CHL1: variants seen among roughly 807,000 people sequenced by gnomAD.
CHL1 encodes neural cell adhesion molecule L1-like protein.
A neutral mutation model predicts 141.9 loss-of-function variants in CHL1; 96 were observed. The observed-to-expected ratio is 0.68, with a 90% CI of 0.57 to 0.80. The LOEUF (loss-of-function observed/expected upper bound fraction) is 0.80. CHL1 is among the 30% of genes least tolerant of loss of function. CHL1 has a pLI of 0.00. For missense variants in CHL1, 1,820 were observed against 1,457.2 expected, an observed-to-expected ratio of 1.25 and a Z score of -4.05; for synonymous variants, 613 against 502.2, an observed-to-expected ratio of 1.22 and a Z score of -2.95.
chr3:197,590 T>TGTGGCTCC, intron 1 of CHL1: 1 of 350,838 alleles, frequency 2.9e-6, no homozygotes, highest in South Asian at 2.1e-5. Context: ...ACTGCCCCTG[T>TGTGGCTCC]GTGGCTCCTC....
chr3:377,842 G>T lies in CHL1; in HGVS notation c.1776G>T (p.Leu592Phe). The T allele has an allele frequency of 6.2e-7, 1 of 1,608,582 alleles. No individual in the cohort carries two copies. Among genetic ancestry groups the T allele is most frequent in the South Asian group, 1.1e-5 (1 of 90,722 alleles). The change falls in exon 16 of 28, where the codon TTG becomes TTT. Residue 592 changes from leucine to phenylalanine, a missense_variant. Transcript: ENST00000256509. ...GGATAATTATTGATGGAGCTAATTT[G>T]ACCATATCTAATGTAACTTTAGAGG... is the stretch of plus-strand genomic sequence containing the variant. ...DGRIIIDGAN[L>F]TISNVTLEDQ...
intron 2 of CHL1, among the ~76,000 whole-genome samples, chr3:257,128 C>A (rs1427610589): frequency 6.6e-6 from 1 of 151,988 alleles, no homozygotes; most frequent in Non-Finnish European, 1.5e-5. Flanking sequence ...TTGTTTAGTT[C>A]AGTATATACC....
intron 1 of CHL1, among the ~76,000 whole-genome samples, chr3:203,532 G>A (rs1298652073): frequency 1.3e-5 from 2 of 152,214 alleles, no homozygotes; most frequent in African/African-American, 4.8e-5. Context: ...TTAAAGACGG[G>A]CCCACATCTC....
At chr3:270,205 G>A (rs1203369963) in intron 2 of CHL1, among the ~76,000 whole-genome samples, 1 of 151,418 alleles carries the variant, frequency 6.6e-6, no homozygotes, top group Non-Finnish European at 1.5e-5. Flanking sequence ...AGAATCAAAT[G>A]CATAAAGGCA....
At chr3:279,228 T>C (rs968836773) in intron 2 of CHL1, among the ~76,000 whole-genome samples, 2 of 152,222 alleles carry the variant, frequency 1.3e-5, no homozygotes, top group African/African-American at 4.8e-5. Flanking sequence ...AGTTTTTTGA[T>C]CAAATGATTT....
intron 2 of CHL1, among the ~76,000 whole-genome samples, chr3:275,316 C>G (rs1368757241): frequency 1.3e-5 from 2 of 152,212 alleles, no homozygotes; most frequent in Non-Finnish European, 2.9e-5. Flanking sequence ...ATTCACTGGT[C>G]AGATTTCCCT....
chr3:201,708 G>T lies in CHL1; in HGVS notation c.-175+4645G>T, dbSNP rs529897610. Among the ~76,000 whole-genome samples the T allele has an allele frequency of 6.6e-5, 10 of 152,180 alleles. No homozygotes were observed. The South Asian group carries it at 1.9e-3, about 28-fold the overall frequency. ...TAAGAATGATAAATGCATTGAACTT[G>T]GTCAATATATAATTATATTTTATGC... On this transcript the variant is annotated intron_variant, in intron 1 of 27. Coordinates refer to ENST00000256509, the MANE Select transcript of CHL1 (RefSeq NM_006614.4).
At chr3:269,210 C>T (rs1446191036) in intron 2 of CHL1, among the ~76,000 whole-genome samples, 1 of 152,196 alleles carries the variant, frequency 6.6e-6, no homozygotes, top group Non-Finnish European at 1.5e-5. Flanking sequence ...TTGAAATGTT[C>T]TAGCATTGTG....
At position 342,988 on chromosome 3, in the gene CHL1, G is replaced by A. The variant is rs1430824028; in HGVS notation, c.684G>A (p.Lys228=). 2.3e-5 allele frequency: 37 copies of A among 1,607,306 alleles called. No individual in the cohort carries two copies. Among genetic ancestry groups the A allele is most frequent in the South Asian group, 3.3e-5 (3 of 89,818 alleles). Residue 228 remains lysine, a synonymous_variant, in exon 8 of 28, where the codon AAG becomes AAA. Transcript: ENST00000256509. ...CCTTCCGTTTTTTTATTTCAGTAAA[G>A]CATGCTAATGACTCAAGTTCATCCA... ...MPMKLTVNSL[K]HANDSSSSTE...
chr3:380,432 A>T (rs1706892586), intron 16 of CHL1, among the ~76,000 whole-genome samples: 1 of 152,234 alleles, frequency 6.6e-6, no homozygotes, highest in Non-Finnish European at 1.5e-5. Context: ...CTAAAAGATA[A>T]AAGTCCTCCA....
chr3:293,753 ATG>A (rs921757798), intron 2 of CHL1, among the ~76,000 whole-genome samples: 1 of 151,642 alleles, frequency 6.6e-6, no homozygotes, highest in East Asian at 2.0e-4. Context: ...ACATTTACTT[ATG>A]TGTGTTAAAT....
chr3:345,728 C>A (rs1026487606), intron 9 of CHL1, among the ~76,000 whole-genome samples: 1 of 152,124 alleles, frequency 6.6e-6, no homozygotes, highest in East Asian at 1.9e-4. Flanking sequence ...TGTGATCCAC[C>A]TGAGTTGGCC....
In CHL1 at chr3:275,645, A is replaced by G. The variant is rs1465247752; in HGVS notation, c.-95+30953A>G. On this transcript the variant is annotated intron_variant, in intron 2 of 27. Transcript: ENST00000256509. ...GGAAGAGTAGACATGTAGGGTCCAC[A>G]TGTTTGGCCTTTTTTCCAAGAGTCT... Among the ~76,000 whole-genome samples the G allele has an allele frequency of 2.0e-5, 3 of 152,298 alleles. No individual in the cohort carries two copies. The East Asian group carries it at 5.8e-4, about 29-fold the overall frequency.
chr3:350,069 G>T (rs557233395), intron 10 of CHL1, among the ~76,000 whole-genome samples: 2 of 152,178 alleles, frequency 1.3e-5, no homozygotes, highest in South Asian at 4.1e-4. Flanking sequence ...TCCATATCTT[G>T]GGTTCAGATG....
At chr3:280,569 A>G (rs1000972857) in intron 2 of CHL1, among the ~76,000 whole-genome samples, 5 of 152,186 alleles carry the variant, frequency 3.3e-5, no homozygotes, top group Non-Finnish European at 5.9e-5. Context: ...TGGTAATTTT[A>G]CTGTATCAAG....
At chr3:253,262 C>T (rs1037569461) in intron 2 of CHL1, among the ~76,000 whole-genome samples, 1 of 152,000 alleles carries the variant, frequency 6.6e-6, no homozygotes, top group African/African-American at 2.4e-5. Flanking sequence ...CGTTATGAAC[C>T]AATTATGCTC....
At chr3:216,694 A>G (rs1700352534) in intron 1 of CHL1, among the ~76,000 whole-genome samples, 1 of 152,244 alleles carries the variant, frequency 6.6e-6, no homozygotes, top group Non-Finnish European at 1.5e-5. Flanking sequence ...ATATGATGCC[A>G]TGGCCAAAGT....
chr3:340,716 A>G (rs1161403156), intron 5 of CHL1, 78 bp from the exon 6 acceptor site: 2 of 1,220,146 alleles, frequency 1.6e-6, no homozygotes, highest in Admixed American at 2.4e-5. Context: ...TTTTGAAAAA[A>G]AAGAACATAT....
intron 2 of CHL1, among the ~76,000 whole-genome samples, chr3:281,404 G>T (rs1161728372): frequency 6.6e-6 from 1 of 152,112 alleles, no homozygotes; most frequent in African/African-American, 2.4e-5. Context: ...TCACCACTAT[G>T]ATTTACTATT....
Sources: gnomAD v4.1 joint callset for allele counts (sites outside exome capture counted in the v4.1 genomes callset) on GRCh38, gnomAD v4.1.1 for gene constraint, MANE v1.5 for transcripts, NCBI Gene and HGNC (gene_info 2026-07-23, HGNC 2026-07-21) for gene names.